RFPL1: variants seen among roughly 807,000 people sequenced by gnomAD.
RFPL1 encodes ret finger protein like 1, also known as ret finger protein-like 1.
In RFPL1, 6 loss-of-function variants were observed where a neutral mutation model predicts 9.6. That is an observed-to-expected ratio of 0.62 (90% CI 0.34 to 1.23). The LOEUF (loss-of-function observed/expected upper bound fraction) is 1.23, where lower values mean the gene tolerates loss of function less well. Ranked by LOEUF, RFPL1 falls within the 50% of genes most tolerant of loss-of-function variation. The pLI is 0.03. For missense variants in RFPL1, 352 were observed against 398.4 expected (o/e 0.88, Z 0.99); for synonymous variants, 145 against 149.4 (o/e 0.97, Z 0.22).
the RFPL1 span, among the ~76,000 whole-genome samples, chr22:29,404,613 A>G: frequency 6.6e-5 from 10 of 152,240 alleles, no homozygotes; most frequent in Non-Finnish European, 1.3e-4. Context: ...AGCTGCTTTG[A>G]ATACTACCTC....
the RFPL1 span, among the ~76,000 whole-genome samples, chr22:29,410,352 A>C: frequency 2.8e-5 from 2 of 72,346 alleles, no homozygotes; most frequent in African/African-American, 8.7e-5. Flanking sequence ...ATATATAGAT[A>C]TATATGTAGA....
At chr22:29,406,155 A>AAAAAAAAC in the RFPL1 span, among the ~76,000 whole-genome samples, 1 of 132,676 alleles carries the variant, frequency 7.5e-6, no homozygotes, top group African/African-American at 2.9e-5. Context: ...AATAAAAAAA[A>AAAAAAAAC]AGAAATAACA....
the RFPL1 span, among the ~76,000 whole-genome samples, chr22:29,403,721 T>C: frequency 6.6e-6 from 1 of 152,178 alleles, no homozygotes; most frequent in Non-Finnish European, 1.5e-5. Flanking sequence ...GAAAGGCAAA[T>C]GACAACTATA....
chr22:29,388,128 G>A, the RFPL1 span, among the ~76,000 whole-genome samples: 4 of 152,242 alleles, frequency 2.6e-5, no homozygotes, highest in Non-Finnish European at 5.9e-5. Flanking sequence ...AGAGCCCGAA[G>A]AGTTTTCCCT....
upstream of RFPL1, among the ~76,000 whole-genome samples, chr22:29,435,464 G>A (rs188254507): frequency 6.6e-6 from 1 of 152,294 alleles, no homozygotes; most frequent in East Asian, 1.9e-4. Flanking sequence ...CTCACATACA[G>A]GATACACCAG....
At chr22:29,427,449 C>G in the RFPL1 span, among the ~76,000 whole-genome samples, 5 of 152,212 alleles carry the variant, frequency 3.3e-5, no homozygotes, top group Non-Finnish European at 1.5e-5. Flanking sequence ...TGTCACCTGG[C>G]CCCGATTCCT....
chr22:29,396,897 CTTTTTTTTT>C, the RFPL1 span, among the ~76,000 whole-genome samples: 4 of 72,578 alleles, frequency 5.5e-5, no homozygotes, highest in Middle Eastern at 8.9e-3. Context: ...CCTGAAACTT[CTTTTTTTTT>C]TTTTTTTTTT....
chr22:29,406,001 C>T, the RFPL1 span, among the ~76,000 whole-genome samples: 41,927 of 148,690 alleles, frequency 0.28, 5,987 homozygotes, highest in Non-Finnish European at 0.3. Context: ...CCCAGCTACT[C>T]GGGAGGCTGA....
the RFPL1 span, among the ~76,000 whole-genome samples, chr22:29,409,004 G>A: frequency 6.6e-6 from 1 of 151,808 alleles, no homozygotes; most frequent in Non-Finnish European, 1.5e-5. Context: ...TGATCCTCAT[G>A]GTGTTTTTTT....
chr22:29,427,087 C>T, the RFPL1 span, among the ~76,000 whole-genome samples: 1 of 152,212 alleles, frequency 6.6e-6, no homozygotes. Context: ...TGATTAAGTT[C>T]CAAAAGAACA....
upstream of RFPL1, among the ~76,000 whole-genome samples, chr22:29,434,053 T>A (rs555042965): frequency 6.6e-6 from 1 of 152,254 alleles, no homozygotes; most frequent in African/African-American, 2.4e-5. Flanking sequence ...TGTGGTTTCA[T>A]GTTGCCCAGA....
chr22:29,425,064 C>T, the RFPL1 span, among the ~76,000 whole-genome samples: 1 of 151,338 alleles, frequency 6.6e-6, no homozygotes, highest in Non-Finnish European at 1.5e-5. Flanking sequence ...ATTAGCCGGG[C>T]GTGGTGGCAG....
chr22:29,392,740 G>A, the RFPL1 span, among the ~76,000 whole-genome samples: 15 of 152,242 alleles, frequency 9.9e-5, no homozygotes, highest in East Asian at 2.3e-3. Flanking sequence ...AACATGTAGC[G>A]TGGCAGGTAG....
chr22:29,409,817 T>C, the RFPL1 span, among the ~76,000 whole-genome samples: 2 of 152,176 alleles, frequency 1.3e-5, no homozygotes, highest in African/African-American at 4.8e-5. Context: ...CAGGTCTTGG[T>C]TGATCATGGA....
chr22:29,411,671 G>A, the RFPL1 span, among the ~76,000 whole-genome samples: 89 of 152,282 alleles, frequency 5.8e-4, no homozygotes, highest in African/African-American at 2.1e-3. Flanking sequence ...GGGAGGAAGA[G>A]GAGCCCACAT....
At chr22:29,410,415 ATAGATATATATATTG>A in the RFPL1 span, among the ~76,000 whole-genome samples, 2 of 83,718 alleles carry the variant, frequency 2.4e-5, no homozygotes, top group African/African-American at 9.9e-5. Flanking sequence ...ATCTATATAT[ATAGATATATATATTG>A]TAGATATATA....
At chr22:29,410,361 GATATATATATCTAT>G in the RFPL1 span, among the ~76,000 whole-genome samples, 30 of 86,974 alleles carry the variant, frequency 3.4e-4, 1 homozygote, top group East Asian at 2.9e-3. Context: ...TATATATGTA[GATATATATATCTAT>G]ATATATAGAT....
At chr22:29,410,613 C>CTATATATAGATAGATATATTGTATATA in the RFPL1 span, among the ~76,000 whole-genome samples, 1 of 127,082 alleles carries the variant, frequency 7.9e-6, no homozygotes, top group South Asian at 2.4e-4. Flanking sequence ...ATAGATATAT[C>CTATATATAGATAGATATATTGTATATA]TATCTATATA....
the RFPL1 span, among the ~76,000 whole-genome samples, chr22:29,400,459 A>T: frequency 6.6e-6 from 1 of 152,194 alleles, no homozygotes; most frequent in South Asian, 2.1e-4. Context: ...TCCCTTCTTG[A>T]TTTTGTATCA....
Sources: gnomAD v4.1 joint callset for allele counts (sites outside exome capture counted in the v4.1 genomes callset) on GRCh38, gnomAD v4.1.1 for gene constraint, MANE v1.5 for transcripts, NCBI Gene and HGNC (gene_info 2026-07-23, HGNC 2026-07-21) for gene names.